The following NALF1 variants were observed in gnomAD, a reference collection of about 807,000 sequenced individuals.
NALF1 encodes the protein NALCN channel auxiliary factor 1, also known as family with sequence similarity 155 member A.
In NALF1, 3 loss-of-function variants were observed where a neutral mutation model predicts 48.4. The observed-to-expected ratio is 0.06, with a 90% CI of 0.03 to 0.16. The LOEUF (loss-of-function observed/expected upper bound fraction) is 0.16. Ranked by LOEUF, NALF1 falls within the 10% of genes least tolerant of loss-of-function variation. The pLI, the probability that NALF1 is intolerant of heterozygous loss-of-function variation, is 1.00. For missense variants in NALF1, 526 were observed against 571.5 expected, an observed-to-expected ratio of 0.92 and a Z score of 0.81; for synonymous variants, 262 against 245.7, an observed-to-expected ratio of 1.07 and a Z score of -0.62.
chr13:107,424,295 G>A (rs1160549469), intron 1 of NALF1, among the ~76,000 whole-genome samples: 1 of 152,062 alleles, frequency 6.6e-6, no homozygotes, highest in African/African-American at 2.4e-5. Flanking sequence ...ACACCACCAT[G>A]CCTGGCTAAT....
intron 1 of NALF1, among the ~76,000 whole-genome samples, chr13:107,269,817 T>A (rs1881118602): frequency 6.6e-6 from 1 of 152,032 alleles, no homozygotes; most frequent in East Asian, 1.9e-4. Context: ...TGTTTCTTTT[T>A]TTTTTTTGCA....
intron 1 of NALF1, among the ~76,000 whole-genome samples, chr13:107,306,400 A>T (rs1881937156): frequency 6.6e-6 from 1 of 152,132 alleles, no homozygotes; most frequent in Non-Finnish European, 1.5e-5. Flanking sequence ...TTTATGTCTG[A>T]ATTCTGGCAA....
At chr13:107,228,987 A>G (rs1202769649) in intron 1 of NALF1, among the ~76,000 whole-genome samples, 2 of 151,916 alleles carry the variant, frequency 1.3e-5, no homozygotes, top group African/African-American at 2.4e-5. Context: ...CATTTCAATC[A>G]TTATGGTTCT....
At chr13:107,230,578 G>A (rs1880199135) in intron 1 of NALF1, among the ~76,000 whole-genome samples, 1 of 151,968 alleles carries the variant, frequency 6.6e-6, no homozygotes, top group African/African-American at 2.4e-5. Flanking sequence ...CAAACTTCAA[G>A]ATAATAAATA....
At chr13:107,789,599 A>G (rs540065167) in intron 1 of NALF1, among the ~76,000 whole-genome samples, 37 of 152,346 alleles carry the variant, frequency 2.4e-4, no homozygotes, top group South Asian at 2.1e-3. Context: ...CCCAAACACC[A>G]TCACTTTTTT....
chr13:107,537,438 G>A (rs564198409), intron 1 of NALF1, among the ~76,000 whole-genome samples: 1 of 152,068 alleles, frequency 6.6e-6, no homozygotes, highest in South Asian at 2.1e-4. Flanking sequence ...GATATGAATG[G>A]AACTGAGATT....
intron 1 of NALF1, among the ~76,000 whole-genome samples, chr13:107,329,937 C>T (rs1882437404): frequency 6.6e-6 from 1 of 152,116 alleles, no homozygotes; most frequent in Admixed American, 6.5e-5. Context: ...CGATTTCTGT[C>T]CTCCCTGCTT....
chr13:107,407,978 A>T (rs80317011), intron 1 of NALF1, among the ~76,000 whole-genome samples: 2,107 of 152,186 alleles, frequency 0.014, 24 homozygotes, highest in South Asian at 0.034. Context: ...GATGACATTA[A>T]GTTAAATGAA....
At chr13:107,327,944 A>G (rs9514661) in intron 1 of NALF1, among the ~76,000 whole-genome samples, 54,798 of 151,350 alleles carry the variant, frequency 0.36, 10,089 homozygotes, top group Non-Finnish European at 0.4. Context: ...TTTTTAAGAC[A>G]GGATATCACT....
intron 1 of NALF1, among the ~76,000 whole-genome samples, chr13:107,851,500 ACT>A (rs1167513618): frequency 2.6e-5 from 4 of 151,786 alleles, no homozygotes; most frequent in African/African-American, 9.7e-5. Context: ...CATATAAAAG[ACT>A]CTGTTGTTCA....
At chr13:107,650,689 G>A (rs553013041) in intron 1 of NALF1, among the ~76,000 whole-genome samples, 5 of 151,914 alleles carry the variant, frequency 3.3e-5, no homozygotes, top group Non-Finnish European at 5.9e-5. Flanking sequence ...GAACTTACTC[G>A]TGTAACCAAA....
chr13:107,553,470 G>C (rs1436926643), intron 1 of NALF1, among the ~76,000 whole-genome samples: 4 of 152,146 alleles, frequency 2.6e-5, no homozygotes, highest in African/African-American at 7.2e-5. Flanking sequence ...TTATAAGAGA[G>C]TATTTACATG....
chr13:107,559,131 T>A (rs1186150692), intron 1 of NALF1, among the ~76,000 whole-genome samples: 1 of 152,208 alleles, frequency 6.6e-6, no homozygotes, highest in Non-Finnish European at 1.5e-5. Context: ...AGAGCTCTAA[T>A]ACACACCCCA....
chr13:107,555,756 T>C (rs1877451809), intron 1 of NALF1, among the ~76,000 whole-genome samples: 1 of 151,912 alleles, frequency 6.6e-6, no homozygotes, highest in Non-Finnish European at 1.5e-5. Context: ...CTATGTATAA[T>C]GAAAAAAATG....
Position 107,720,239 on chromosome 13 carries a change from C to T in NALF1, c.915+145443G>A, listed in dbSNP as rs533556907. On this transcript the variant is annotated intron_variant, in intron 1 of 2. Transcript: ENST00000375915. The stretch of plus-strand genomic sequence containing the variant: ...TACAATACGCATAGTTGGCTGGGCA[C>T]GGTGGCTCATGCCTGTAATCCCAGC... 1.3e-3 allele frequency among the ~76,000 whole-genome samples: 205 copies of T among 152,256 alleles called. 1 individual carries two copies. Among genetic ancestry groups the T allele is most frequent in the South Asian group, 7.3e-3 (35 of 4,826 alleles).
chr13:107,211,361 G>A (rs1879757875), intron 1 of NALF1, among the ~76,000 whole-genome samples: 1 of 152,232 alleles, frequency 6.6e-6, no homozygotes, highest in Admixed American at 6.5e-5. Flanking sequence ...CCGACATAGA[G>A]CAGACATCAT....
At chr13:107,295,598 T>C (rs997156268) in intron 1 of NALF1, among the ~76,000 whole-genome samples, 5 of 152,130 alleles carry the variant, frequency 3.3e-5, no homozygotes, top group African/African-American at 7.2e-5. Context: ...ATGGCTCTCA[T>C]GCTCTCTATT....
chr13:107,741,263 C>T (rs1566464477), intron 1 of NALF1, among the ~76,000 whole-genome samples: 1 of 152,130 alleles, frequency 6.6e-6, no homozygotes, highest in Admixed American at 6.5e-5. Flanking sequence ...AGTGTTGTTT[C>T]CCCAAATAGC....
chr13:107,484,565 C>T (rs1411635490), intron 1 of NALF1, among the ~76,000 whole-genome samples: 1 of 152,154 alleles, frequency 6.6e-6, no homozygotes, highest in Non-Finnish European at 1.5e-5. Flanking sequence ...TACCACCCAT[C>T]TTTGGATTCC....
Sources: gnomAD v4.1 joint callset for allele counts (sites outside exome capture counted in the v4.1 genomes callset) on GRCh38, gnomAD v4.1.1 for gene constraint, MANE v1.5 for transcripts, NCBI Gene and HGNC (gene_info 2026-07-23, HGNC 2026-07-21) for gene names.